Variants in TMEM132C observed in about 807,000 individuals in gnomAD.
The protein encoded by TMEM132C is protein phosphatase 1, regulatory subunit 152.
In TMEM132C, 29 loss-of-function variants were observed where a neutral mutation model predicts 61.4. The observed-to-expected ratio is 0.47, with a 90% CI of 0.35 to 0.64. The LOEUF (loss-of-function observed/expected upper bound fraction) is 0.64, where lower values mean the gene tolerates loss of function less well. Ranked by LOEUF, TMEM132C falls within the 30% of genes least tolerant of loss-of-function variation. The probability of loss-of-function intolerance (pLI) is 0.00; values close to 1 mark genes in which losing one functional copy is unlikely to be tolerated. For missense variants in TMEM132C, 1,408 were observed against 1,476.9 expected, an observed-to-expected ratio of 0.95 and a Z score of 0.76; for synonymous variants, 656 against 633.1, an observed-to-expected ratio of 1.04 and a Z score of -0.54.
intron 2 of TMEM132C, among the ~76,000 whole-genome samples, chr12:128,456,687 C>T (rs1014887962): frequency 2.6e-5 from 4 of 151,928 alleles, no homozygotes; most frequent in Admixed American, 6.6e-5. Flanking sequence ...GGATTACAGG[C>T]GTGAGCCACC....
At chr12:128,629,473 A>C (rs1053955812) in intron 4 of TMEM132C, among the ~76,000 whole-genome samples, 1 of 151,954 alleles carries the variant, frequency 6.6e-6, no homozygotes, top group African/African-American at 2.4e-5. Context: ...TCCTGTCTCA[A>C]AACAAAAAAA....
chr12:128,300,174 T>C (rs1344918417), intron 1 of TMEM132C, among the ~76,000 whole-genome samples: 3 of 152,222 alleles, frequency 2.0e-5, no homozygotes, highest in African/African-American at 4.8e-5. Context: ...TTCCCTGGGA[T>C]TGGGCTTCTT....
At chr12:128,683,889 C>A (rs924873549) in intron 5 of TMEM132C, among the ~76,000 whole-genome samples, 1 of 152,006 alleles carries the variant, frequency 6.6e-6, no homozygotes, top group Non-Finnish European at 1.5e-5. Context: ...TCTCTTGAAC[C>A]CAGAAGGCGG....
rs200409375 is a variant in TMEM132C at position 128,354,781 on chromosome 12, G to A, written c.86-59951G>A. ...ACTGAGACCGGAGCTATAGGCTTGA[G>A]GAAGAGGTGAGCCATTCATACAAGT... On this transcript the variant is annotated intron_variant, in intron 1 of 8. Transcript: ENST00000435159. 1.1e-4 allele frequency among the ~76,000 whole-genome samples: 17 copies of A among 152,342 alleles called. No individual in the cohort carries two copies. In the East Asian group the frequency reaches 1.7e-3, roughly 16 times the overall value.
chr12:128,584,277 G>A (rs780089959), intron 3 of TMEM132C, among the ~76,000 whole-genome samples: 4 of 152,196 alleles, frequency 2.6e-5, no homozygotes, highest in Non-Finnish European at 5.9e-5. Context: ...GAATTAATGA[G>A]AAACTTTCTG....
chr12:128,682,457 G>A (rs1310230030), intron 5 of TMEM132C, among the ~76,000 whole-genome samples: 1 of 152,224 alleles, frequency 6.6e-6, no homozygotes, highest in Non-Finnish European at 1.5e-5. Flanking sequence ...GGGCGGAGAG[G>A]AATGGGAGAA....
chr12:128,425,645 G>C (rs1869154872), intron 2 of TMEM132C, among the ~76,000 whole-genome samples: 2 of 152,170 alleles, frequency 1.3e-5, no homozygotes, highest in Non-Finnish European at 1.5e-5. Flanking sequence ...TGAGATGAGG[G>C]TGCCAGCAAG....
chr12:128,394,238 A>G (rs907465976), intron 1 of TMEM132C, among the ~76,000 whole-genome samples: 3 of 152,150 alleles, frequency 2.0e-5, no homozygotes, highest in African/African-American at 7.2e-5. Flanking sequence ...TGCTTCAATT[A>G]TCTCCCGCCA....
chr12:128,328,503 G>GCAGGCT (rs1306181102), intron 1 of TMEM132C, among the ~76,000 whole-genome samples: 5 of 152,062 alleles, frequency 3.3e-5, no homozygotes, highest in Admixed American at 6.6e-5. Flanking sequence ...AAAAATAATG[G>GCAGGCT]CAGGCTCAGG....
intron 2 of TMEM132C, among the ~76,000 whole-genome samples, chr12:128,498,312 G>T (rs550784975): frequency 1.3e-5 from 2 of 152,160 alleles, no homozygotes; most frequent in African/African-American, 2.4e-5. Flanking sequence ...GAAATAAAAG[G>T]CTTCCAGACT....
chr12:128,551,314 G>A (rs970093023), intron 3 of TMEM132C, among the ~76,000 whole-genome samples: 14 of 151,876 alleles, frequency 9.2e-5, no homozygotes, highest in African/African-American at 1.5e-4. Flanking sequence ...CTGGAGTGCC[G>A]TCTCCCTGTA....
intron 1 of TMEM132C, among the ~76,000 whole-genome samples, chr12:128,378,675 T>A (rs1322136852): frequency 6.6e-6 from 1 of 152,104 alleles, no homozygotes; most frequent in Non-Finnish European, 1.5e-5. Context: ...AGGGTGACGG[T>A]CAATTCACAG....
At chr12:128,276,741 A>C (rs573655655) in intron 1 of TMEM132C, among the ~76,000 whole-genome samples, 67 of 152,282 alleles carry the variant, frequency 4.4e-4, no homozygotes, top group South Asian at 2.1e-3. Flanking sequence ...GATGCTGTAG[A>C]AATGTGGATC....
intron 2 of TMEM132C, among the ~76,000 whole-genome samples, chr12:128,531,441 C>T (rs1262764100): frequency 6.6e-6 from 1 of 152,230 alleles, no homozygotes; most frequent in Non-Finnish European, 1.5e-5. Context: ...AGAATTTGTT[C>T]CAGATGGACT....
chr12:128,543,049 G>C (rs1310400972), intron 2 of TMEM132C, among the ~76,000 whole-genome samples: 1 of 152,062 alleles, frequency 6.6e-6, no homozygotes, highest in Non-Finnish European at 1.5e-5. Flanking sequence ...TTATTGATAA[G>C]GAAAGTGAAA....
intron 2 of TMEM132C, among the ~76,000 whole-genome samples, chr12:128,436,857 T>A (rs1842114188): frequency 6.6e-6 from 1 of 152,206 alleles, no homozygotes; most frequent in African/African-American, 2.4e-5. Context: ...GTATGTTTAT[T>A]GCGGCACTAT....
chr12:128,564,736 C>A (rs1372681716), intron 3 of TMEM132C, among the ~76,000 whole-genome samples: 5 of 152,218 alleles, frequency 3.3e-5, no homozygotes, highest in Non-Finnish European at 7.3e-5. Flanking sequence ...TTGTATTTCT[C>A]ACCTCATGAG....
intron 2 of TMEM132C, among the ~76,000 whole-genome samples, chr12:128,490,889 A>C (rs1871694380): frequency 6.6e-6 from 1 of 152,122 alleles, no homozygotes. Context: ...TTTAGTGATT[A>C]CCCTCTATCA....
chr12:128,596,885 G>A (rs1429507118), intron 3 of TMEM132C, among the ~76,000 whole-genome samples: 1 of 150,322 alleles, frequency 6.7e-6, no homozygotes, highest in Non-Finnish European at 1.5e-5. Flanking sequence ...CATGGGACAA[G>A]CAACTTGAAT....
Sources: gnomAD v4.1 joint callset for allele counts (sites outside exome capture counted in the v4.1 genomes callset) on GRCh38, gnomAD v4.1.1 for gene constraint, MANE v1.5 for transcripts, NCBI Gene and HGNC (gene_info 2026-07-23, HGNC 2026-07-21) for gene names.